ASAH2: variants seen among roughly 807,000 people sequenced by gnomAD.
ASAH2 encodes neutral ceramidase.
A neutral mutation model predicts 82.9 loss-of-function variants in ASAH2; 58 were observed. The observed-to-expected ratio is 0.70, with a 90% CI of 0.57 to 0.87. The LOEUF is 0.87. Among genes scored for constraint, ASAH2 ranks in the 40% least tolerant of loss-of-function variants. The pLI is 0.00. For synonymous variants in ASAH2, 276 were observed against 289.7 expected (o/e 0.95, Z 0.48); for missense variants, 779 against 834.0 (o/e 0.93, Z 0.81).
chr10:50,207,341 T>A (rs1031085444), intron 12 of ASAH2, among the ~76,000 whole-genome samples: 2 of 151,624 alleles, frequency 1.3e-5, no homozygotes, highest in African/African-American at 2.4e-5. Context: ...GAAAATCAAT[T>A]AAACAGTGAG....
chr10:50,216,703 T>G (rs1468406770), intron 8 of ASAH2, among the ~76,000 whole-genome samples: 1 of 152,194 alleles, frequency 6.6e-6, no homozygotes, highest in Admixed American at 6.6e-5. Context: ...ATTAGAGCCA[T>G]GCAAGTCCTC....
At chr10:50,211,246 G>A in intron 10 of ASAH2, 112 bp from the exon 11 acceptor site, 1 of 843,626 alleles carries the variant, frequency 1.2e-6, no homozygotes. Flanking sequence ...TCTCAGCAAA[G>A]CTTTTGTTTT....
chr10:50,243,412 C>A, intron 3 of ASAH2, 61 bp from the exon 4 acceptor site: 1 of 1,563,542 alleles, frequency 6.4e-7, no homozygotes, highest in South Asian at 1.2e-5. Flanking sequence ...AGAAACCAGG[C>A]ACAAACATAC....
intron 18 of ASAH2, among the ~76,000 whole-genome samples, chr10:50,196,317 T>C (rs1452425141): frequency 6.6e-6 from 1 of 151,960 alleles, no homozygotes; most frequent in African/African-American, 2.4e-5. Flanking sequence ...TATTCACAGA[T>C]GACATGATAC....
rs77497111 is a variant in ASAH2 at position 50,248,789 on chromosome 10, T to A, written c.-36-143A>T. Among the ~76,000 whole-genome samples the A allele has an allele frequency of 4.6e-3, 698 of 152,352 alleles. 4 individuals are homozygous for A. The highest frequency in any genetic ancestry group is 6.3e-3 in the Non-Finnish European group (426 of 68,028). Reference sequence around the variant, plus strand: ...CCACTCATTCCATAGACCAAGCCCATGGCAGACAAGACCAATCAATTACAG... The same window carrying A: ...CCACTCATTCCATAGACCAAGCCCAAGGCAGACAAGACCAATCAATTACAG... On this transcript the variant is annotated intron_variant, in intron 1 of 20. Coordinates refer to ENST00000682911, the MANE Select transcript of ASAH2 (RefSeq NM_019893.4).
chr10:50,209,992 TTAAATA>T (rs1845407522), intron 12 of ASAH2, among the ~76,000 whole-genome samples: 1 of 152,022 alleles, frequency 6.6e-6, no homozygotes. Flanking sequence ...TCTCAGATGA[TTAAATA>T]TAGAGTTATA....
chr10:50,201,391 C>G (rs1223853081), intron 16 of ASAH2, among the ~76,000 whole-genome samples: 2 of 152,096 alleles, frequency 1.3e-5, no homozygotes, highest in Non-Finnish European at 2.9e-5. Flanking sequence ...TCTGGAGTAG[C>G]AGGCACCCAT....
chr10:50,220,989 A>G (rs1845729722), intron 7 of ASAH2, among the ~76,000 whole-genome samples: 1 of 151,994 alleles, frequency 6.6e-6, no homozygotes, highest in Non-Finnish European at 1.5e-5. Context: ...TTCTTTTTTC[A>G]TGTTGGCATC....
At chr10:50,237,994 G>T (rs1481167961) in intron 4 of ASAH2, among the ~76,000 whole-genome samples, 2 of 152,198 alleles carry the variant, frequency 1.3e-5, no homozygotes, top group African/African-American at 4.8e-5. Context: ...CAAAGCAATT[G>T]TTAGCAATGT....
chr10:50,196,248 G>A (rs1844979188), intron 18 of ASAH2, among the ~76,000 whole-genome samples: 1 of 151,808 alleles, frequency 6.6e-6, no homozygotes, highest in South Asian at 2.1e-4. Context: ...GTCCGATAAG[G>A]ATAAATAATT....
At chr10:50,194,572 C>G (rs1844925360) in intron 18 of ASAH2, among the ~76,000 whole-genome samples, 1 of 150,844 alleles carries the variant, frequency 6.6e-6, no homozygotes, top group African/African-American at 2.4e-5. Flanking sequence ...ACAAGAGTGT[C>G]CAGTCTCACA....
chr10:50,235,657 T>C (rs1350780330), intron 5 of ASAH2, among the ~76,000 whole-genome samples: 3 of 152,150 alleles, frequency 2.0e-5, no homozygotes, highest in Non-Finnish European at 4.4e-5. Context: ...AATAACTACA[T>C]TGGGCTTAGT....
chr10:50,203,001 C>G (rs1845196399), intron 15 of ASAH2, 77 bp from the exon 16 acceptor site: 1 of 1,002,416 alleles, frequency 1.0e-6, no homozygotes, highest in Non-Finnish European at 1.6e-6. Flanking sequence ...CCTTAACACA[C>G]AAGCATTGAT....
At chr10:50,238,021 A>G (rs901616811) in intron 4 of ASAH2, among the ~76,000 whole-genome samples, 1 of 152,206 alleles carries the variant, frequency 6.6e-6, no homozygotes, top group African/African-American at 2.4e-5. Flanking sequence ...TGAGTATGGC[A>G]TAGACACTCT....
rs1034228286 is a variant in ASAH2, at chr10:50,211,700, A to C, written c.1228-566T>G. On this transcript the variant is annotated intron_variant, in intron 10 of 20. Transcript: ENST00000682911. ...CTTATGGGAAACATGAGTGAAAACAAGTTTAAAAAACTCTTTGTTTTTATT... is the reference window on the plus strand; with the variant it reads ...CTTATGGGAAACATGAGTGAAAACACGTTTAAAAAACTCTTTGTTTTTATT... 9.8e-5 allele frequency among the ~76,000 whole-genome samples: 15 copies of C among 152,294 alleles called. No individual in the cohort carries two copies. In the South Asian group the frequency reaches 2.9e-3, roughly 29 times the overall value.
chr10:50,212,208 C>T (rs1845473790), intron 10 of ASAH2, among the ~76,000 whole-genome samples: 2 of 151,872 alleles, frequency 1.3e-5, no homozygotes, highest in Non-Finnish European at 2.9e-5. Context: ...CACACACACA[C>T]ACACGCAGCA....
chr10:50,213,747 T>A (rs1355669799), intron 9 of ASAH2, among the ~76,000 whole-genome samples: 1 of 152,050 alleles, frequency 6.6e-6, no homozygotes, highest in African/African-American at 2.4e-5. Context: ...ACTGATAAAC[T>A]TTAGGAAAAC....
intron 4 of ASAH2, among the ~76,000 whole-genome samples, chr10:50,242,307 A>T (rs555706287): frequency 2.0e-5 from 3 of 152,326 alleles, no homozygotes; most frequent in African/African-American, 7.2e-5. Flanking sequence ...AAGAGGGAGC[A>T]ATGTTAAAGT....
At chr10:50,203,530 C>T (rs1845215187) in intron 15 of ASAH2, 110 bp downstream of exon 15, 5 of 964,862 alleles carry the variant, frequency 5.2e-6, no homozygotes. Context: ...TAACCTTAGC[C>T]ATTAATTTCA....
Sources: allele counts gnomAD v4.1 joint callset (sites outside exome capture counted in the v4.1 genomes callset), GRCh38; gene constraint gnomAD v4.1.1; transcripts MANE v1.5; gene names NCBI Gene and HGNC (gene_info 2026-07-23, HGNC 2026-07-21).